The following TTBK2 variants were observed in gnomAD, a reference collection of about 807,000 sequenced individuals.
TTBK2 encodes tau-tubulin kinase 2.
A neutral mutation model predicts 110.8 loss-of-function variants in TTBK2; 28 were observed. The observed-to-expected ratio is 0.25, with a 90% CI of 0.19 to 0.35. The LOEUF is 0.35. Among genes scored for constraint, TTBK2 ranks in the 10% least tolerant of loss-of-function variants. TTBK2 has a pLI of 1.00. For synonymous variants in TTBK2, 532 were observed against 527.3 expected, an observed-to-expected ratio of 1.01 and a Z score of -0.12; for missense variants, 1,369 against 1,500.3, an observed-to-expected ratio of 0.91 and a Z score of 1.45.
At chr15:42,799,553 T>C (rs1891090032) in intron 9 of TTBK2, among the ~76,000 whole-genome samples, 1 of 152,036 alleles carries the variant, frequency 6.6e-6, no homozygotes, top group Non-Finnish European at 1.5e-5. Flanking sequence ...CCTGCCTCAC[T>C]TCCCAAGTAG....
intron 11 of TTBK2, among the ~76,000 whole-genome samples, chr15:42,782,880 T>C (rs1011555435): frequency 2.0e-5 from 3 of 152,176 alleles, no homozygotes; most frequent in Non-Finnish European, 4.4e-5. Context: ...ATGTCACTAG[T>C]GATTTTTTTT....
intron 1 of TTBK2, among the ~76,000 whole-genome samples, chr15:42,887,126 A>G (rs760682671): frequency 6.6e-6 from 1 of 152,174 alleles, no homozygotes; most frequent in Admixed American, 6.5e-5. Flanking sequence ...GGGTATTGAC[A>G]GCCAGCCTTC....
chr15:42,858,915 G>C (rs1894049194), intron 3 of TTBK2, among the ~76,000 whole-genome samples: 1 of 152,088 alleles, frequency 6.6e-6, no homozygotes, highest in Non-Finnish European at 1.5e-5. Flanking sequence ...AGTTCAACTA[G>C]TTTTTTACAG....
rs569242340 is a variant in TTBK2, at chr15:42,829,580, G to C, written c.432+358C>G. Among the ~76,000 whole-genome samples, 9 of 152,114 alleles carry C rather than the reference G, an allele frequency of 5.9e-5. No homozygotes were observed. The East Asian group carries it at 1.7e-3, about 29-fold the overall frequency. ...ACTATGCTGCCCAGGCTGGAGTGCA[G>C]TGGCTATCCACAGGAGCGATCATAG... On this transcript the variant is annotated intron_variant, in intron 5 of 14. Coordinates refer to ENST00000267890, the MANE Select transcript of TTBK2 (RefSeq NM_173500.4).
chr15:42,801,271 G>C, intron 9 of TTBK2: 1 of 1,543,768 alleles, frequency 6.5e-7, no homozygotes, highest in South Asian at 1.2e-5. Context: ...TCCAGGGCCA[G>C]CTTGACGTTC....
chr15:42,917,864 G>A (rs1247973740), intron 1 of TTBK2, among the ~76,000 whole-genome samples: 2 of 151,978 alleles, frequency 1.3e-5, no homozygotes, highest in East Asian at 3.8e-4. Context: ...GAGTAATTTT[G>A]AGTAGCATAC....
At chr15:42,852,072 C>CTTTTT (rs879407104) in intron 3 of TTBK2, among the ~76,000 whole-genome samples, 2 of 141,812 alleles carry the variant, frequency 1.4e-5, no homozygotes, top group Non-Finnish European at 3.1e-5. Context: ...ATATTACCAA[C>CTTTTT]TTTTTTTTTT....
intron 3 of TTBK2, among the ~76,000 whole-genome samples, chr15:42,852,148 C>A (rs1462654882): frequency 6.6e-6 from 1 of 151,866 alleles, no homozygotes; most frequent in Admixed American, 6.6e-5. Flanking sequence ...CGGCTCACTG[C>A]AACCTCTGCC....
intron 4 of TTBK2, among the ~76,000 whole-genome samples, chr15:42,830,588 T>C (rs1892718282): frequency 6.6e-6 from 1 of 152,162 alleles, no homozygotes; most frequent in African/African-American, 2.4e-5. Flanking sequence ...ATTTTTAGCA[T>C]ATCATGTTTC....
At chr15:42,886,636 T>G (rs927492538) in intron 1 of TTBK2, among the ~76,000 whole-genome samples, 1 of 152,142 alleles carries the variant, frequency 6.6e-6, no homozygotes, top group Non-Finnish European at 1.5e-5. Context: ...CAGGACCTAA[T>G]TAACCTCACC....
intron 1 of TTBK2, among the ~76,000 whole-genome samples, chr15:42,888,049 G>A (rs1175447878): frequency 1.3e-5 from 2 of 151,974 alleles, no homozygotes; most frequent in African/African-American, 2.4e-5. Flanking sequence ...CACAAGAGCC[G>A]GGACTGCACC....
rs183684924 is a variant in TTBK2, at chr15:42,763,932, G to A, written c.1999-10685C>T. On this transcript the variant is annotated intron_variant, in intron 13 of 14. Coordinates refer to ENST00000267890, the MANE Select transcript of TTBK2 (RefSeq NM_173500.4). ...GAAAGTTTAATGTGTCTTTAAAGGG[G>A]TTTCCAATTATAAAAATTTTGTGGG... Among the ~76,000 whole-genome samples the A allele has an allele frequency of 2.4e-4, 36 of 152,282 alleles. No individual in the cohort carries two copies. The East Asian group carries it at 6.7e-3, about 29-fold the overall frequency.
chr15:42,741,793 C>T lies in TTBK2; in HGVS notation c.*4002G>A, dbSNP rs2061753107. 6.6e-6 allele frequency: 1 copy of T among 152,040 alleles called. No individual in the cohort carries two copies. The highest frequency in any genetic ancestry group is 6.6e-5 in the Admixed American group (1 of 15,258). The allele number at this position is 152,040 out of a possible 1,614,324, so 9.4% of individuals were successfully genotyped here. A position where few individuals can be genotyped will look rare whatever the true frequency, so the allele number is the denominator to read the frequency against. ...GCCAGGGGAAAATGCATTTTTTTCA[C>T]CGAGTCTCACTAAATCATTCTGAAT... On this transcript the variant is annotated 3_prime_UTR_variant, in exon 15 of 15. Coordinates refer to ENST00000267890, the MANE Select transcript of TTBK2 (RefSeq NM_173500.4).
intron 1 of TTBK2, among the ~76,000 whole-genome samples, chr15:42,918,957 A>C (rs2031230679): frequency 1.3e-5 from 2 of 152,208 alleles, no homozygotes; most frequent in Non-Finnish European, 2.9e-5. Context: ...TTATATATTA[A>C]ATTAATGAAG....
chr15:42,810,912 G>GA (rs1446137670), intron 8 of TTBK2, among the ~76,000 whole-genome samples, 173 bp from the exon 9 acceptor site: 1 of 152,038 alleles, frequency 6.6e-6, no homozygotes, highest in Non-Finnish European at 1.5e-5. Flanking sequence ...TTTTAAAGCG[G>GA]AAAAAAACTA....
Position 42,834,594 on chromosome 15 carries a change from C to T in TTBK2, c.292-4516G>A, listed in dbSNP as rs573984470. Among the ~76,000 whole-genome samples the T allele has an allele frequency of 2.0e-5, 3 of 152,080 alleles. No homozygotes were observed. In the East Asian group the frequency reaches 5.8e-4, roughly 29 times the overall value. On this transcript the variant is annotated intron_variant, in intron 4 of 14. Transcript: ENST00000267890. ...AATCCAGATCCAACATGAAAGAAGC[C>T]CCTGTAGCAAAAGATGAGACAATTT... is the stretch of plus-strand genomic sequence containing the variant.
intron 3 of TTBK2, among the ~76,000 whole-genome samples, chr15:42,852,810 C>T (rs1396888891): frequency 6.6e-6 from 1 of 152,074 alleles, no homozygotes; most frequent in Admixed American, 6.5e-5. Flanking sequence ...CAATGAACAT[C>T]AACAAGGACA....
Position 42,783,516 on chromosome 15 carries a change from T to G in TTBK2, c.1100A>C (p.Lys367Thr). The change falls in exon 11 of 15, where the codon AAA becomes ACA. Residue 367 changes from lysine (K) to threonine (T), a missense_variant. Coordinates refer to ENST00000267890, the MANE Select transcript of TTBK2 (RefSeq NM_173500.4). ...NGIPVGVSPD[K>T]LPGSLGHPRP... ...GGGGTGTCCCAGAGATCCAGGCAAT[T>G]TATCTGGTGACACACCAACAGGGAT... 1 of 1,614,198 alleles carries G rather than the reference T, an allele frequency of 6.2e-7. No homozygotes were observed. The highest frequency in any genetic ancestry group is 8.5e-7 in the Non-Finnish European group (1 of 1,180,034).
Position 42,834,745 on chromosome 15 carries a change from C to A in TTBK2, c.292-4667G>T, listed in dbSNP as rs1595964637. On this transcript the variant is annotated intron_variant, in intron 4 of 14. Coordinates refer to ENST00000267890, the MANE Select transcript of TTBK2 (RefSeq NM_173500.4). ...TAAAAAAATTCGCTGGGTATGGTGG[C>A]ATGAGCCTGTAATCCTAGCTACTTG... 2.0e-5 allele frequency among the ~76,000 whole-genome samples: 3 copies of A among 152,250 alleles called. No individual in the cohort carries two copies. The South Asian group carries it at 6.2e-4, about 32-fold the overall frequency.
Sources: gnomAD v4.1 joint callset for allele counts (sites outside exome capture counted in the v4.1 genomes callset) on GRCh38, gnomAD v4.1.1 for gene constraint, MANE v1.5 for transcripts, NCBI Gene and HGNC (gene_info 2026-07-23, HGNC 2026-07-21) for gene names.